The following DOK5 variants were observed in gnomAD, a reference collection of about 807,000 sequenced individuals.
DOK5 encodes the protein downstream of tyrosine kinase 5.
A neutral mutation model predicts 43.3 loss-of-function variants in DOK5; 27 were observed. The observed-to-expected ratio is 0.62, with a 90% confidence interval of 0.46 to 0.86. The LOEUF is 0.86. Ranked by LOEUF, DOK5 falls within the 40% of genes least tolerant of loss-of-function variation. DOK5 has a pLI of 0.00. For missense variants in DOK5, 373 were observed against 392.9 expected, an observed-to-expected ratio of 0.95 and a Z score of 0.43; for synonymous variants, 146 against 140.1, an observed-to-expected ratio of 1.04 and a Z score of -0.30.
intron 1 of DOK5, among the ~76,000 whole-genome samples, chr20:54,522,460 T>C (rs1818450120): frequency 6.6e-6 from 1 of 151,986 alleles, no homozygotes; most frequent in African/African-American, 2.4e-5. Context: ...ACACGCTCCA[T>C]GAGGGTCGGA....
intron 6 of DOK5, among the ~76,000 whole-genome samples, chr20:54,637,908 G>A (rs188676060): frequency 4.3e-4 from 66 of 152,282 alleles, no homozygotes; most frequent in African/African-American, 1.5e-3. Flanking sequence ...AGATCACAAG[G>A]TCAGGAGATC....
chr20:54,650,530 T>C lies in DOK5; in HGVS notation c.*51T>C, dbSNP rs1410211839. On this transcript the variant is annotated 3_prime_UTR_variant, in exon 8 of 8. Coordinates refer to ENST00000262593, the MANE Select transcript of DOK5 (RefSeq NM_018431.5). ...CACTTGTGATGTGTCAGCCACAGAT[T>C]CACCCAGGAGGTCACAGAATGACAG... 6.4e-7 allele frequency: 1 copy of C among 1,567,606 alleles called. No individual in the cohort carries two copies. The highest frequency in any genetic ancestry group is 1.4e-5 in the African/African-American group (1 of 73,918).
At position 54,605,012 on chromosome 20, in the gene DOK5, A is replaced by T. The variant is rs866554119; in HGVS notation, c.600-5376A>T. 5.8e-3 allele frequency among the ~76,000 whole-genome samples: 677 copies of T among 116,176 alleles called. 8 individuals carry two copies. The highest frequency in any genetic ancestry group is 0.014 in the South Asian group (64 of 4,528). 76.2% of individuals were successfully genotyped at this position (116,176 alleles called of 152,430 possible). Reference sequence around the variant, plus strand: ...GCAAGACTGTGTCTCAAAAAAAAAAAATATATATATATACACACACACACA... The same window carrying T: ...GCAAGACTGTGTCTCAAAAAAAAAATATATATATATATACACACACACACA... On this transcript the variant is annotated intron_variant, in intron 5 of 7. Coordinates refer to ENST00000262593, the MANE Select transcript of DOK5 (RefSeq NM_018431.5).
chr20:54,513,462 C>CAA (rs1011871917), intron 1 of DOK5, among the ~76,000 whole-genome samples: 1,395 of 24,522 alleles, frequency 0.057, 129 homozygotes, highest in African/African-American at 0.13. Flanking sequence ...ATACTCTGAG[C>CAA]AAAAAAAAAA....
At chr20:54,492,784 T>C (rs142121927) in intron 1 of DOK5, among the ~76,000 whole-genome samples, 2,685 of 151,844 alleles carry the variant, frequency 0.018, 68 homozygotes, top group African/African-American at 0.057. Context: ...CCAGGTGCGG[T>C]GGCTCACGCC....
intron 6 of DOK5, among the ~76,000 whole-genome samples, chr20:54,640,708 A>G (rs1348458774): frequency 6.6e-6 from 1 of 152,244 alleles, no homozygotes; most frequent in African/African-American, 2.4e-5. Context: ...GGCTGCCTAA[A>G]TATATTTGCA....
At chr20:54,556,749 G>A (rs1037765656) in intron 2 of DOK5, among the ~76,000 whole-genome samples, 3 of 152,112 alleles carry the variant, frequency 2.0e-5, no homozygotes, top group Non-Finnish European at 4.4e-5. Context: ...AACCTTAGCC[G>A]GTCTGTAACT....
intron 2 of DOK5, among the ~76,000 whole-genome samples, chr20:54,566,863 C>A (rs1025855989): frequency 6.6e-5 from 10 of 152,184 alleles, no homozygotes; most frequent in African/African-American, 2.2e-4. Context: ...GGGATCCTCC[C>A]TCCTCAGCCT....
At chr20:54,630,882 C>G (rs6091939) in intron 6 of DOK5, among the ~76,000 whole-genome samples, 1 of 151,742 alleles carries the variant, frequency 6.6e-6, no homozygotes. Context: ...ATTTAAAAAC[C>G]GGTTATCAGA....
rs1165996842 is a variant in DOK5 at position 54,475,894 on chromosome 20, AG to A, written c.-52del. On this transcript the variant is annotated 5_prime_UTR_variant, in exon 1 of 8. Transcript: ENST00000262593. This position sits in a 1 kb window ranked among gnomAD's most constrained non-coding sequence, Gnocchi z 4.2. ...TGACCCTGCCCTCCACCCTCCCCAG[AG>A]CCACTTCGGGTGCGCGCTCTTGGGT... 9 of 1,605,260 alleles carry A rather than the reference AG, an allele frequency of 5.6e-6. No individual in the cohort carries two copies. In the Admixed American group the frequency reaches 1.5e-4, roughly 27 times the overall value.
At chr20:54,612,985 G>A (rs954740313) in intron 6 of DOK5, among the ~76,000 whole-genome samples, 1 of 152,174 alleles carries the variant, frequency 6.6e-6, no homozygotes, top group Non-Finnish European at 1.5e-5. Context: ...AGTGAGATAT[G>A]CTCATAACAT....
intron 6 of DOK5, among the ~76,000 whole-genome samples, chr20:54,631,136 C>T (rs1275895593): frequency 6.6e-6 from 1 of 152,092 alleles, no homozygotes; most frequent in Non-Finnish European, 1.5e-5. Context: ...TACTAAATGA[C>T]AAAAGAAAAT....
chr20:54,627,485 A>G (rs969332256), intron 6 of DOK5, among the ~76,000 whole-genome samples: 7 of 152,218 alleles, frequency 4.6e-5, no homozygotes, highest in Admixed American at 3.3e-4. Context: ...AGTTAAGTAG[A>G]AAGTCAGGAC....
intron 1 of DOK5, among the ~76,000 whole-genome samples, chr20:54,492,808 C>T (rs190544086): frequency 6.6e-6 from 1 of 151,994 alleles, no homozygotes; most frequent in African/African-American, 2.4e-5. Context: ...AATCCCAACA[C>T]TTTGGGAGGC....
At chr20:54,629,975 G>A (rs949543993) in intron 6 of DOK5, among the ~76,000 whole-genome samples, 3 of 152,216 alleles carry the variant, frequency 2.0e-5, no homozygotes, top group South Asian at 2.1e-4. Context: ...ACTGTGAGTC[G>A]GGTCCTGTCA....
At chr20:54,532,275 G>C (rs1983801911) in intron 1 of DOK5, among the ~76,000 whole-genome samples, 1 of 152,180 alleles carries the variant, frequency 6.6e-6, no homozygotes, top group Non-Finnish European at 1.5e-5. Context: ...AGGCCACACT[G>C]CATGTACATT....
chr20:54,534,587 T>A (rs1983888282), intron 1 of DOK5, among the ~76,000 whole-genome samples: 1 of 152,188 alleles, frequency 6.6e-6, no homozygotes, highest in Non-Finnish European at 1.5e-5. Context: ...CATTAACAGG[T>A]CTTAGCTCAC....
chr20:54,609,060 G>T (rs1490975182), intron 5 of DOK5, among the ~76,000 whole-genome samples: 3 of 152,098 alleles, frequency 2.0e-5, no homozygotes, highest in Non-Finnish European at 2.9e-5. Flanking sequence ...CACTACTTAG[G>T]CCATGCCATA....
At chr20:54,549,574 CA>C (rs1179179782) in intron 1 of DOK5, among the ~76,000 whole-genome samples, 1 of 152,026 alleles carries the variant, frequency 6.6e-6, no homozygotes, top group African/African-American at 2.4e-5. Flanking sequence ...ACCGATGGGT[CA>C]AAAATGGAAA....
Sources: allele counts gnomAD v4.1 joint callset (sites outside exome capture counted in the v4.1 genomes callset), GRCh38; gene constraint gnomAD v4.1.1; non-coding constraint Gnocchi (gnomAD v3.1); transcripts MANE v1.5; gene names NCBI Gene and HGNC (gene_info 2026-07-23, HGNC 2026-07-21).